Variants in CLYBL observed in about 807,000 individuals in gnomAD.
CLYBL encodes citramalyl-CoA lyase.
A neutral mutation model predicts 38.9 loss-of-function variants in CLYBL; 31 were observed. The observed-to-expected ratio is 0.80, with a 90% CI of 0.60 to 1.08. The LOEUF (loss-of-function observed/expected upper bound fraction) is 1.08. CLYBL is among the 50% of genes least tolerant of loss of function. CLYBL has a pLI of 0.00. For synonymous variants in CLYBL, 171 were observed against 158.6 expected, an observed-to-expected ratio of 1.08 and a Z score of -0.59; for missense variants, 434 against 411.6, an observed-to-expected ratio of 1.05 and a Z score of -0.47.
At chr13:99,711,700 G>A (rs1434324701) in intron 1 of CLYBL, among the ~76,000 whole-genome samples, 4 of 149,536 alleles carry the variant, frequency 2.7e-5, no homozygotes, top group East Asian at 2.0e-4. Context: ...GCCACCGCAC[G>A]CAGCTTTTTT....
chr13:99,622,398 G>A (rs1566591062), intron 1 of CLYBL, among the ~76,000 whole-genome samples: 1 of 152,218 alleles, frequency 6.6e-6, no homozygotes, highest in Non-Finnish European at 1.5e-5. Context: ...TGCCTCTCAT[G>A]TTATGTGCTG....
intron 1 of CLYBL, among the ~76,000 whole-genome samples, chr13:99,768,192 C>CT (rs58499426): frequency 0.44 from 45,052 of 103,116 alleles, 11,230 homozygotes; most frequent in Non-Finnish European, 0.49. Context: ...TTTTCTTTTT[C>CT]TTTTTTTTTT....
chr13:99,744,979 A>G lies in CLYBL; in HGVS notation c.63-27845A>G, dbSNP rs61687636. The stretch of plus-strand genomic sequence containing the variant: ...CATGAAAACCTGCAACAACCTTTCA[A>G]TCTCAAGTGAGACCACTTGAGATTG... On this transcript the variant is annotated intron_variant, in intron 1 of 8. Coordinates refer to ENST00000339105, the MANE Select transcript of CLYBL (RefSeq NM_206808.5). Among the ~76,000 whole-genome samples, 190 of 152,242 alleles carry G rather than the reference A, an allele frequency of 1.2e-3. 5 individuals are homozygous for G. In the East Asian group the frequency reaches 0.034, roughly 27 times the overall value.
At chr13:99,854,729 T>G (rs572592532) in intron 2 of CLYBL, among the ~76,000 whole-genome samples, 2 of 152,138 alleles carry the variant, frequency 1.3e-5, no homozygotes, top group African/African-American at 4.8e-5. Flanking sequence ...ATTTTCTCCT[T>G]TAATTTCAGA....
intron 2 of CLYBL, among the ~76,000 whole-genome samples, chr13:99,842,971 T>TA (rs1265369065): frequency 6.6e-6 from 1 of 152,078 alleles, no homozygotes; most frequent in East Asian, 1.9e-4. Flanking sequence ...ATTAACCACT[T>TA]ACGTTATATG....
At chr13:99,672,775 A>T (rs552580880) in intron 1 of CLYBL, among the ~76,000 whole-genome samples, 12 of 152,182 alleles carry the variant, frequency 7.9e-5, no homozygotes, top group Non-Finnish European at 1.8e-4. Flanking sequence ...GTCTCAAAAA[A>T]TATATATTAA....
chr13:99,770,608 C>T (rs7317837), intron 1 of CLYBL, among the ~76,000 whole-genome samples: 6,863 of 152,108 alleles, frequency 0.045, 266 homozygotes, highest in African/African-American at 0.096. Flanking sequence ...TGAGCCACCG[C>T]GCCCGGTCTG....
At chr13:99,737,365 G>T (rs1405057010) in intron 1 of CLYBL, among the ~76,000 whole-genome samples, 2 of 152,090 alleles carry the variant, frequency 1.3e-5, no homozygotes, top group Non-Finnish European at 2.9e-5. Flanking sequence ...CTTCGTCAAG[G>T]GTTTTACATG....
At chr13:99,684,473 A>C (rs1375749411) in intron 1 of CLYBL, among the ~76,000 whole-genome samples, 1 of 152,142 alleles carries the variant, frequency 6.6e-6, no homozygotes, top group African/African-American at 2.4e-5. Context: ...ACAAACAAAA[A>C]ATTTAAATAG....
intron 1 of CLYBL, among the ~76,000 whole-genome samples, chr13:99,661,631 A>AT (rs1156669454): frequency 2.6e-5 from 4 of 152,232 alleles, no homozygotes; most frequent in African/African-American, 9.6e-5. Flanking sequence ...CTCCAAGTAT[A>AT]TTAAACATAA....
intron 1 of CLYBL, chr13:99,690,292 T>C (rs1237479240): frequency 6.6e-6 from 1 of 152,238 alleles, no homozygotes; most frequent in Non-Finnish European, 1.5e-5. Context: ...CAGAGTTCTT[T>C]GCTTTTTATT....
intron 1 of CLYBL, among the ~76,000 whole-genome samples, chr13:99,700,385 G>A (rs531281195): frequency 3.2e-4 from 49 of 151,358 alleles, no homozygotes; most frequent in Non-Finnish European, 5.2e-4. Flanking sequence ...CGGAGGTTGC[G>A]GTGAGCGGAG....
intron 2 of CLYBL, among the ~76,000 whole-genome samples, chr13:99,808,324 G>A (rs570316013): frequency 1.8e-4 from 28 of 152,212 alleles, no homozygotes; most frequent in African/African-American, 6.5e-4. Flanking sequence ...GGGCTCAGGC[G>A]ATCAGCCTGC....
intron 3 of CLYBL, among the ~76,000 whole-genome samples, chr13:99,862,778 A>G (rs550543581): frequency 1.3e-5 from 2 of 152,228 alleles, no homozygotes; most frequent in Admixed American, 6.5e-5. Flanking sequence ...AAAAATTGTA[A>G]TGCTTAGGAT....
In CLYBL at chr13:99,680,897, C is replaced by T. The variant is rs528585437; in HGVS notation, c.62+74140C>T. Among the ~76,000 whole-genome samples the T allele has an allele frequency of 4.0e-5, 6 of 151,636 alleles. No individual in the cohort carries two copies. In the East Asian group the frequency reaches 9.8e-4, roughly 25 times the overall value. Reference sequence around the variant, plus strand: ...ATAAACAAACTACCTAGTTGATAAGCGCCGCATTTTTCATGATGTTTTACT... The same window carrying T: ...ATAAACAAACTACCTAGTTGATAAGTGCCGCATTTTTCATGATGTTTTACT... On this transcript the variant is annotated intron_variant, in intron 1 of 8. Coordinates refer to ENST00000339105, the MANE Select transcript of CLYBL (RefSeq NM_206808.5).
chr13:99,812,315 C>A (rs566213179), intron 2 of CLYBL, among the ~76,000 whole-genome samples: 1 of 152,172 alleles, frequency 6.6e-6, no homozygotes, highest in Non-Finnish European at 1.5e-5. Flanking sequence ...CAAGAAATCC[C>A]AGAGAAGACT....
chr13:99,885,931 G>T (rs7997104), intron 7 of CLYBL, among the ~76,000 whole-genome samples: 2,107 of 152,310 alleles, frequency 0.014, 37 homozygotes, highest in African/African-American at 0.048. Flanking sequence ...CAAGTGGAAG[G>T]CACAGCCAGG....
intron 2 of CLYBL, among the ~76,000 whole-genome samples, chr13:99,833,034 T>TAGA (rs2050852813): frequency 4.0e-5 from 1 of 25,038 alleles, no homozygotes; most frequent in Non-Finnish European, 7.4e-5. Context: ...ATATATATTT[T>TAGA]TTTTTTTTTT....
At chr13:99,866,939 C>T (rs914989864) in intron 6 of CLYBL, among the ~76,000 whole-genome samples, 5 of 152,176 alleles carry the variant, frequency 3.3e-5, no homozygotes, top group African/African-American at 1.2e-4. Flanking sequence ...CCTGGCGACA[C>T]CTACGGGCAT....
Sources: allele counts gnomAD v4.1 joint callset (sites outside exome capture counted in the v4.1 genomes callset), GRCh38; gene constraint gnomAD v4.1.1; transcripts MANE v1.5; gene names NCBI Gene and HGNC (gene_info 2026-07-23, HGNC 2026-07-21).